The following EPM2A variants were observed in gnomAD, a reference collection of about 807,000 sequenced individuals.
EPM2A encodes the protein EPM2A glucan phosphatase, laforin, also known as laforin.
EPM2A carries 21 observed loss-of-function variants against 26.5 expected under a neutral mutation model. That is an observed-to-expected ratio of 0.79 (90% confidence interval 0.56 to 1.14). EPM2A has a LOEUF of 1.14. Among genes scored for constraint, EPM2A ranks in the 50% most tolerant of loss-of-function variants. The pLI, the probability that EPM2A is intolerant of heterozygous loss-of-function variation, is 0.00. For synonymous variants in EPM2A, 217 were observed against 177.6 expected, an observed-to-expected ratio of 1.22 and a Z score of -1.76; for missense variants, 458 against 440.8, an observed-to-expected ratio of 1.04 and a Z score of -0.35.
At chr6:145,408,152 C>G (rs1778594452) in intron 4 of EPM2A, among the ~76,000 whole-genome samples, 1 of 152,118 alleles carries the variant, frequency 6.6e-6, no homozygotes, top group Admixed American at 6.6e-5. Context: ...TATTTCTGTG[C>G]CTACTGCACA....
chr6:145,704,640 C>T (rs1782113563), intron 1 of EPM2A, among the ~76,000 whole-genome samples: 1 of 152,148 alleles, frequency 6.6e-6, no homozygotes, highest in Admixed American at 6.5e-5. Flanking sequence ...GCTCTCAGTT[C>T]ACTGCTGTTC....
intron 4 of EPM2A, among the ~76,000 whole-genome samples, chr6:145,456,393 T>C (rs1779263138): frequency 6.6e-6 from 1 of 152,154 alleles, no homozygotes. Flanking sequence ...AATCTACAGT[T>C]GAAGCATTTG....
At chr6:145,437,865 T>C (rs1165183322) in intron 4 of EPM2A, among the ~76,000 whole-genome samples, 1 of 152,254 alleles carries the variant, frequency 6.6e-6, no homozygotes, top group Non-Finnish European at 1.5e-5. Flanking sequence ...AGCTCTTACC[T>C]GTTTAGGTTA....
At chr6:145,392,734 A>G (rs1236197266) in intron 4 of EPM2A, among the ~76,000 whole-genome samples, 2 of 151,440 alleles carry the variant, frequency 1.3e-5, no homozygotes, top group Non-Finnish European at 3.0e-5. Context: ...TATATCAACC[A>G]GGCCTTCTCA....
chr6:145,465,114 A>G (rs1030993514), intron 4 of EPM2A, among the ~76,000 whole-genome samples: 2 of 151,914 alleles, frequency 1.3e-5, no homozygotes, highest in African/African-American at 2.4e-5. Flanking sequence ...AGGTACACCA[A>G]TCAGACGTAG....
chr6:145,425,052 C>T (rs1161589764), intron 4 of EPM2A, among the ~76,000 whole-genome samples: 4 of 151,856 alleles, frequency 2.6e-5, no homozygotes, highest in African/African-American at 4.8e-5. Flanking sequence ...GTACCATATG[C>T]GATTGAGATT....
chr6:145,564,723 C>T (rs996264607), intron 2 of EPM2A, among the ~76,000 whole-genome samples: 1 of 147,118 alleles, frequency 6.8e-6, no homozygotes, highest in Admixed American at 6.9e-5. Context: ...ATTTAACTCA[C>T]ATGCAGATAT....
intron 1 of EPM2A, among the ~76,000 whole-genome samples, chr6:145,730,922 T>C (rs1336801768): frequency 6.6e-6 from 1 of 152,138 alleles, no homozygotes; most frequent in Non-Finnish European, 1.5e-5. Context: ...CCTGCCTCCT[T>C]CAACCCCTTC....
At chr6:145,515,593 G>C (rs770968452) in intron 2 of EPM2A, among the ~76,000 whole-genome samples, 4 of 152,120 alleles carry the variant, frequency 2.6e-5, no homozygotes, top group Non-Finnish European at 5.9e-5. Context: ...TGGGGACTCA[G>C]GTTTTATAAG....
At chr6:145,447,433 C>T (rs187025590) in intron 4 of EPM2A, among the ~76,000 whole-genome samples, 4 of 152,164 alleles carry the variant, frequency 2.6e-5, no homozygotes, top group African/African-American at 9.6e-5. Context: ...TTCATTATCT[C>T]TCACTTTTTT....
At chr6:145,471,301 T>C (rs1779469992) in intron 4 of EPM2A, among the ~76,000 whole-genome samples, 1 of 152,190 alleles carries the variant, frequency 6.6e-6, no homozygotes, top group African/African-American at 2.4e-5. Flanking sequence ...ATTCATTTTA[T>C]ACATTTTCAA....
At chr6:145,708,220 A>G (rs1782335451) in intron 1 of EPM2A, among the ~76,000 whole-genome samples, 2 of 152,378 alleles carry the variant, frequency 1.3e-5, no homozygotes, top group South Asian at 2.1e-4. Context: ...CTGATGATGC[A>G]ATAGAAAAGA....
chr6:145,711,170 C>T (rs537187035), intron 1 of EPM2A, among the ~76,000 whole-genome samples: 230 of 152,270 alleles, frequency 1.5e-3, no homozygotes, highest in African/African-American at 5.4e-3. Context: ...TGCAGAGTCT[C>T]TAACAGTGGT....
intron 2 of EPM2A, among the ~76,000 whole-genome samples, chr6:145,656,959 T>G (rs1438280892): frequency 6.6e-6 from 1 of 152,134 alleles, no homozygotes; most frequent in African/African-American, 2.4e-5. Context: ...AGCTAGAAAT[T>G]TTTTCAGTGT....
intron 2 of EPM2A, among the ~76,000 whole-genome samples, chr6:145,666,866 T>C (rs1310044446): frequency 6.7e-6 from 1 of 148,232 alleles, no homozygotes; most frequent in Non-Finnish European, 1.5e-5. Context: ...ACCGCATACC[T>C]ACAACTATCT....
At chr6:145,402,493 C>G (rs1158712000) in intron 4 of EPM2A, among the ~76,000 whole-genome samples, 2 of 152,070 alleles carry the variant, frequency 1.3e-5, no homozygotes, top group Non-Finnish European at 2.9e-5. Context: ...GGACAATTGA[C>G]AAAATTTGCA....
chr6:145,667,486 A>G, intron 2 of EPM2A, among the ~76,000 whole-genome samples: 1 of 149,500 alleles, frequency 6.7e-6, no homozygotes, highest in East Asian at 2.0e-4. Context: ...CACCAGTTAG[A>G]ATGGCAATCA....
At chr6:145,512,487 G>A (rs1022839845) in intron 2 of EPM2A, among the ~76,000 whole-genome samples, 7 of 151,884 alleles carry the variant, frequency 4.6e-5, no homozygotes, top group South Asian at 2.1e-4. Context: ...GCCAAGGCAG[G>A]TGGACCATGA....
chr6:145,679,929 A>G (rs1348057178), intron 2 of EPM2A, among the ~76,000 whole-genome samples: 1 of 152,128 alleles, frequency 6.6e-6, no homozygotes, highest in African/African-American at 2.4e-5. Flanking sequence ...AAAATAACGC[A>G]TTACTATATT....
Sources: gnomAD v4.1 joint callset for allele counts (sites outside exome capture counted in the v4.1 genomes callset) on GRCh38, gnomAD v4.1.1 for gene constraint, MANE v1.5 for transcripts, NCBI Gene and HGNC (gene_info 2026-07-23, HGNC 2026-07-21) for gene names.